BRD7: variants seen among roughly 807,000 people sequenced by gnomAD.
The protein encoded by BRD7 is bromodomain containing 7.
BRD7 carries 15 observed loss-of-function variants against 82.1 expected under a neutral mutation model. The ratio of observed to expected loss-of-function variants is 0.18; its 90% CI spans 0.12 to 0.28. The LOEUF (loss-of-function observed/expected upper bound fraction) is 0.28. BRD7 is among the 10% of genes least tolerant of loss of function. BRD7 has a pLI of 1.00. For synonymous variants in BRD7, 232 were observed against 266.9 expected, an observed-to-expected ratio of 0.87 and a Z score of 1.27; for missense variants, 638 against 779.9, an observed-to-expected ratio of 0.82 and a Z score of 2.17.
chr16:50,353,956 T>C (rs559975649), intron 4 of BRD7, among the ~76,000 whole-genome samples: 1 of 152,284 alleles, frequency 6.6e-6, no homozygotes, highest in South Asian at 2.1e-4. Context: ...AACTCAACAG[T>C]AGCTTAATCT....
chr16:50,321,145 A>C (rs181770065), intron 13 of BRD7, among the ~76,000 whole-genome samples: 234 of 152,330 alleles, frequency 1.5e-3, no homozygotes, highest in Middle Eastern at 3.4e-3. Flanking sequence ...AGATTCAAAG[A>C]CTATTTCATA....
chr16:50,368,903 C>A lies in BRD7; in HGVS notation c.-129G>T, dbSNP rs1427064761. 2.5e-6 allele frequency: 1 copy of A among 403,386 alleles called. No individual in the cohort carries two copies. The highest frequency in any genetic ancestry group is 9.8e-5 in the South Asian group (1 of 10,166). 25.0% of individuals were successfully genotyped at this position (403,386 alleles called of 1,614,324 possible). On this transcript the variant is annotated 5_prime_UTR_variant, in exon 1 of 17. Transcript: ENST00000394688. ...GACCCCGCGCCGCGAGGCAGGGGGG[C>A]GGCGCGCGCCGGGCGGCGCGATGCC...
chr16:50,325,717 A>T, intron 11 of BRD7, 31 bp downstream of exon 11: 1 of 1,561,958 alleles, frequency 6.4e-7, no homozygotes, highest in Non-Finnish European at 8.6e-7. Context: ...TTTTTAAACA[A>T]ATGTAATCAG....
chr16:50,330,639 C>A (rs1281751017), intron 8 of BRD7, among the ~76,000 whole-genome samples: 1 of 152,046 alleles, frequency 6.6e-6, no homozygotes, highest in Non-Finnish European at 1.5e-5. Flanking sequence ...ATATATGTGT[C>A]ATGTGTATGT....
chr16:50,333,836 T>A, intron 7 of BRD7, 139 bp from the exon 8 acceptor site: 1 of 728,822 alleles, frequency 1.4e-6, no homozygotes, highest in Non-Finnish European at 2.2e-6. Context: ...ACTTCCTTGA[T>A]GACCTGTTAA....
At chr16:50,345,757 AG>A (rs752818276) in intron 5 of BRD7, among the ~76,000 whole-genome samples, 28 of 152,268 alleles carry the variant, frequency 1.8e-4, no homozygotes, top group Non-Finnish European at 3.4e-4. Flanking sequence ...AGGAGCACCC[AG>A]ATTCATAAAG....
intron 6 of BRD7, 58 bp downstream of exon 6, chr16:50,339,918 C>T: frequency 9.5e-7 from 1 of 1,053,042 alleles, no homozygotes; most frequent in Non-Finnish European, 1.4e-6. Flanking sequence ...TTACTATGGC[C>T]AACAAACAGC....
chr16:50,353,301 C>T (rs1455883423), intron 4 of BRD7, among the ~76,000 whole-genome samples: 1 of 151,946 alleles, frequency 6.6e-6, no homozygotes, highest in Admixed American at 6.6e-5. Context: ...CTGGCCTCAA[C>T]TGATCCTCCC....
chr16:50,331,873 G>A (rs762508363), intron 8 of BRD7, among the ~76,000 whole-genome samples: 3 of 152,114 alleles, frequency 2.0e-5, no homozygotes, highest in Non-Finnish European at 4.4e-5. Flanking sequence ...TGACAAAGTC[G>A]ACAAAAATAA....
chr16:50,327,567 T>G (rs1005593853), intron 9 of BRD7, among the ~76,000 whole-genome samples: 1 of 152,200 alleles, frequency 6.6e-6, no homozygotes, highest in Admixed American at 6.5e-5. Flanking sequence ...TAGAGAACAT[T>G]CATAGTCCCC....
At chr16:50,363,703 A>AT (rs1245697563) in intron 2 of BRD7, among the ~76,000 whole-genome samples, 1 of 151,276 alleles carries the variant, frequency 6.6e-6, no homozygotes, top group Non-Finnish European at 1.5e-5. Context: ...ACTTTATCTT[A>AT]TTTTCCTAAG....
chr16:50,353,759 A>ATTTTTT (rs5816691), intron 4 of BRD7, among the ~76,000 whole-genome samples: 1 of 132,840 alleles, frequency 7.5e-6, no homozygotes, highest in Non-Finnish European at 1.6e-5. Context: ...ATGCCTGGCA[A>ATTTTTT]TTTTTTTTTT....
At chr16:50,368,449 CG>C (rs2039238286) in intron 1 of BRD7, 151 bp from the exon 2 acceptor site, 1 of 925,100 alleles carries the variant, frequency 1.1e-6, no homozygotes, top group Non-Finnish European at 1.6e-6. Flanking sequence ...GACCCCGGCC[CG>C]GGGGTGCGGC....
chr16:50,354,851 A>C lies in BRD7; in HGVS notation c.330T>G (p.Pro110=). 1 of 1,613,166 alleles carries C rather than the reference A, an allele frequency of 6.2e-7. No homozygotes were observed. The highest frequency in any genetic ancestry group is 8.5e-7 in the Non-Finnish European group (1 of 1,179,958). The stretch of plus-strand genomic sequence containing the variant: ...TCTCAGGAGGCAAGTCTAATCTCAC[A>C]GGGGCGTGACACTGGAGATCTTTTT... The part of the protein sequence containing the change: ...EAEKDLQCHA[P]VRLDLPPEKP... Residue 110 remains proline, a synonymous_variant, in exon 3 of 17, where the codon CCT becomes CCG. Coordinates refer to ENST00000394688, the MANE Select transcript of BRD7 (RefSeq NM_013263.5).
Position 50,333,429 on chromosome 16 carries a change from TATTA to T in BRD7, c.1011+141_1011+144del, listed in dbSNP as rs1302305344. On this transcript the variant is annotated intron_variant, in intron 8 of 16. Coordinates refer to ENST00000394688, the MANE Select transcript of BRD7 (RefSeq NM_013263.5). Reference sequence around the variant, plus strand: ...CCATTGTAGGGAATTGTCTGTCCATTATTAATTGTTTTTCTGCTAAGTATTATAC... The same window carrying T: ...CCATTGTAGGGAATTGTCTGTCCATTATTGTTTTTCTGCTAAGTATTATAC... 21 of 1,022,866 alleles carry T rather than the reference TATTA, an allele frequency of 2.1e-5. No homozygotes were observed. The South Asian group carries it at 2.7e-4, about 13-fold the overall frequency. 63.4% of individuals were successfully genotyped at this position (1,022,866 alleles called of 1,614,324 possible). A position where few individuals can be genotyped will look rare whatever the true frequency, so the allele number is the denominator to read the frequency against.
At chr16:50,340,471 T>C (rs1018328082) in intron 5 of BRD7, among the ~76,000 whole-genome samples, 1 of 152,212 alleles carries the variant, frequency 6.6e-6, no homozygotes, top group African/African-American at 2.4e-5. Context: ...AAAAAAATAT[T>C]ACTCCTAGCT....
intron 9 of BRD7, 80 bp downstream of exon 9, chr16:50,328,589 G>A: frequency 8.2e-7 from 1 of 1,225,842 alleles, no homozygotes; most frequent in Non-Finnish European, 1.2e-6. Flanking sequence ...ATTCAAGCTT[G>A]TTGCTTTAAA....
rs146387935 is a variant in BRD7, at chr16:50,358,351, C to CCCGTCTCTACAAAAAATACAAAAATTAGT, written c.259-3430_259-3429insACTAATTTTTGTATTTTTTGTAGAGACGG. On this transcript the variant is annotated intron_variant, in intron 2 of 16. Coordinates refer to ENST00000394688, the MANE Select transcript of BRD7 (RefSeq NM_013263.5). ...GCCAGCCTAGGCAACATAGCGAAAT[C>CCCGTCTCTACAAAAAATACAAAAATTAGT]CAGGAGTTTTGGTGTGCACCTGGAG... 2.5e-3 allele frequency among the ~76,000 whole-genome samples: 10 copies of CCCGTCTCTACAAAAAATACAAAAATTAGT among 3,936 alleles called. No homozygotes were observed. The Admixed American group carries it at 0.031, about 12-fold the overall frequency. 2.6% of individuals were successfully genotyped at this position (3,936 alleles called of 152,430 possible).
intron 6 of BRD7, among the ~76,000 whole-genome samples, chr16:50,335,560 A>G (rs193265220): frequency 6.6e-6 from 1 of 151,370 alleles, no homozygotes; most frequent in East Asian, 1.9e-4. Flanking sequence ...AAATTTTAAG[A>G]AGGCATATTT....
Sources: gnomAD v4.1 joint callset for allele counts (sites outside exome capture counted in the v4.1 genomes callset) on GRCh38, gnomAD v4.1.1 for gene constraint, MANE v1.5 for transcripts, NCBI Gene and HGNC (gene_info 2026-07-23, HGNC 2026-07-21) for gene names.